The following GPR33 variants were observed in gnomAD, a reference collection of about 807,000 sequenced individuals.
GPR33 encodes G protein-coupled receptor 33.
In GPR33, 4 loss-of-function variants were observed where a neutral mutation model predicts 3.1. That is an observed-to-expected ratio of 1.29 (90% CI 0.64 to 2.96). The LOEUF is 2.96. Ranked by LOEUF, GPR33 falls within the 30% of genes most tolerant of loss-of-function variation. The pLI is 0.01. For synonymous variants in GPR33, 138 were observed against 142.0 expected (o/e 0.97, Z 0.20); for missense variants, 390 against 388.9 (o/e 1.00, Z -0.02).
At chr14:31,486,647 T>C (rs1263704592) in intron 1 of GPR33, among the ~76,000 whole-genome samples, 2 of 152,106 alleles carry the variant, frequency 1.3e-5, no homozygotes, top group Admixed American at 6.6e-5. Context: ...GAGGATGATT[T>C]TAAGACAGGC....
At chr14:31,487,098 T>G (rs958855653) in intron 1 of GPR33, among the ~76,000 whole-genome samples, 1 of 152,128 alleles carries the variant, frequency 6.6e-6, no homozygotes, top group Middle Eastern at 3.4e-3. Context: ...TGGGAAAGAT[T>G]TTTTTTTAAT....
intron 1 of GPR33, among the ~76,000 whole-genome samples, chr14:31,484,710 T>A (rs1207405285): frequency 6.6e-6 from 1 of 152,160 alleles, no homozygotes; most frequent in East Asian, 1.9e-4. Flanking sequence ...ATGAAATGAA[T>A]TTGAATAACA....
chr14:31,483,539 G>T lies in GPR33; in HGVS notation c.427C>A (p.Arg143Ser). ...CCCAGGACAATGCTGGAAGCCCAGC[G>T]CGGGGTTCGGTGCTGCTGGGACCAC... ...PVWSQQHRTP[R>S]WASSIVLGVW... The change falls in exon 2 of 2, where the codon CGC becomes AGC. Residue 143 changes from arginine to serine, a missense_variant. By Grantham distance (110) the Arg-to-Ser change is moderately radical (BLOSUM62 -1). Transcript: ENST00000399285. 6.5e-7 allele frequency: 1 copy of T among 1,536,154 alleles called. No homozygotes were observed. Among genetic ancestry groups the T allele is most frequent in the Non-Finnish European group, 8.7e-7 (1 of 1,146,914 alleles).
In GPR33 at chr14:31,483,593, C is replaced by G; in HGVS notation, c.373G>C (p.Asp125His). The G allele has an allele frequency of 6.5e-7, 1 of 1,536,124 alleles. No homozygotes were observed. Among genetic ancestry groups the G allele is most frequent in the Non-Finnish European group, 8.7e-7 (1 of 1,146,914 alleles). The change falls in exon 2 of 2, where the codon GAT becomes CAT. Residue 125 changes from aspartate to histidine, a missense_variant. By Grantham distance (81) the Asp-to-His change is moderately conservative. Coordinates refer to ENST00000399285, the MANE Select transcript of GPR33 (RefSeq NM_001197184.3). ...SVFFLSAIGL[D>H]RYLLTLHPVW... ...GGGTGAAGAGTGAGAAGGTAACGAT[C>G]AAGACCGATGGCCGAAAGGAAGAAA...
intron 1 of GPR33, among the ~76,000 whole-genome samples, chr14:31,485,595 T>C (rs1259846953): frequency 6.8e-6 from 1 of 146,716 alleles, no homozygotes; most frequent in Non-Finnish European, 1.5e-5. Flanking sequence ...ACCGAGATGG[T>C]GCCCCTGCAT....
At chr14:31,487,091 G>T (rs915819021) in intron 1 of GPR33, among the ~76,000 whole-genome samples, 1 of 152,080 alleles carries the variant, frequency 6.6e-6, no homozygotes, top group African/African-American at 2.4e-5. Context: ...CGAATTATGG[G>T]AAAGATTTTT....
rs768624175 is a variant in GPR33 at position 31,483,769 on chromosome 14, A to G, written c.197T>C (p.Leu66Ser). The part of the protein sequence containing the change: ...FKMKQTVNTL[L>S]FFHLILSYFI... ...ATAAGAGAGAATGAGATGAAAAAAT[A>G]AGAGAGTATTGACAGTCTGTTTCAT... The change falls in exon 2 of 2, where the codon TTA (leucine) becomes TCA (serine). Residue 66 changes from leucine to serine, a missense_variant. Transcript: ENST00000399285. 8.5e-5 allele frequency: 130 copies of G among 1,536,032 alleles called. No homozygotes were observed. The highest frequency in any genetic ancestry group is 1.1e-4 in the Non-Finnish European group (127 of 1,146,904).
Position 31,483,102 on chromosome 14 carries a change from A to G in GPR33, c.864T>C (p.Thr288=). The change falls in exon 2 of 2, where the codon ACT becomes ACC. Residue 288 remains threonine, a synonymous_variant. Coordinates refer to ENST00000399285, the MANE Select transcript of GPR33 (RefSeq NM_001197184.3). ...ELTLILTVLT[T]SFNTIFSPTL... The stretch of plus-strand genomic sequence containing the variant: ...TGGGAGAAAAGATAGTATTGAAAGA[A>G]GTGGTTAGCACTGTAAGTATCAAAG... 6.5e-7 allele frequency: 1 copy of G among 1,536,160 alleles called. No individual in the cohort carries two copies. The highest frequency in any genetic ancestry group is 8.7e-7 in the Non-Finnish European group (1 of 1,146,914).
At chr14:31,487,732 C>T (rs943087818) in intron 1 of GPR33, among the ~76,000 whole-genome samples, 165 bp downstream of exon 1, 13 of 152,174 alleles carry the variant, frequency 8.5e-5, no homozygotes, top group African/African-American at 3.1e-4. Context: ...GCCACCGTGC[C>T]CAGCCACAGG....
chr14:31,484,043 G>C, intron 1 of GPR33, 72 bp from the exon 2 acceptor site: 2 of 1,279,938 alleles, frequency 1.6e-6, no homozygotes, highest in South Asian at 1.6e-5. Flanking sequence ...AAAATTTAAA[G>C]AGTAATTTTT....
In GPR33 at chr14:31,487,966, A is replaced by G. The variant is rs2032438209; in HGVS notation, c.-76T>C. 6.6e-6 allele frequency: 1 copy of G among 152,180 alleles called. No homozygotes were observed. Among genetic ancestry groups the G allele is most frequent in the Non-Finnish European group, 1.5e-5 (1 of 68,038 alleles). 9.4% of individuals were successfully genotyped at this position (152,180 alleles called of 1,614,324 possible). On this transcript the variant is annotated 5_prime_UTR_variant, in exon 1 of 2. Coordinates refer to ENST00000399285, the MANE Select transcript of GPR33 (RefSeq NM_001197184.3). ...AGTGACTCTACACCATCAATTTCTC[A>G]CTAGGAACAGAGTGAACAAAATCAG...
In GPR33 at chr14:31,483,372, C is replaced by T; in HGVS notation, c.594G>A (p.Arg198=). The change falls in exon 2 of 2, where the codon AGG becomes AGA. Residue 198 remains arginine, a synonymous_variant. Coordinates refer to ENST00000399285, the MANE Select transcript of GPR33 (RefSeq NM_001197184.3). ...TGAAACAGGCCACATGAATCCACTG[C>T]CTTGATGCTTGCATCTCCTTGCTTT... ...NWESKEMQAS[R]QWIHVACFIS... 1 of 1,536,148 alleles carries T rather than the reference C, an allele frequency of 6.5e-7. No homozygotes were observed. The highest frequency in any genetic ancestry group is 8.7e-7 in the Non-Finnish European group (1 of 1,146,912).
At position 31,483,564 on chromosome 14, in the gene GPR33, C is replaced by T. The variant is rs1209826659; in HGVS notation, c.402G>A (p.Val134=). 4 of 1,536,136 alleles carry T rather than the reference C, an allele frequency of 2.6e-6. No homozygotes were observed. The East Asian group carries it at 7.3e-5, about 28-fold the overall frequency. ...LDRYLLTLHP[V]WSQQHRTPRW... Reference sequence around the variant, plus strand: ...GCGGGGTTCGGTGCTGCTGGGACCACACTGGGTGAAGAGTGAGAAGGTAAC... The same window carrying T: ...GCGGGGTTCGGTGCTGCTGGGACCATACTGGGTGAAGAGTGAGAAGGTAAC... Residue 134 remains valine (V), a synonymous_variant, in exon 2 of 2, where the codon GTG becomes GTA. Transcript: ENST00000399285.
At chr14:31,485,980 A>C (rs2032416161) in intron 1 of GPR33, among the ~76,000 whole-genome samples, 1 of 152,260 alleles carries the variant, frequency 6.6e-6, no homozygotes, top group African/African-American at 2.4e-5. Flanking sequence ...TCATATCAGC[A>C]AATTGGTTTT....
rs1431980719 is a variant in GPR33 at position 31,483,490 on chromosome 14, A to C, written c.476T>G (p.Leu159Arg). 3 of 1,536,046 alleles carry C rather than the reference A, an allele frequency of 2.0e-6. No individual in the cohort carries two copies. In the Admixed American group the frequency reaches 5.9e-5, roughly 30 times the overall value. ...TCTGAAAATCAAATAGGGGATGCTG[A>C]GGGCAGCGGCTGAAATCCAGACTCC... ...VLGVWISAAALSIPYLIFRET... is the reference protein window; with the variant it reads ...VLGVWISAAARSIPYLIFRET... The change falls in exon 2 of 2, where the codon CTC (leucine) becomes CGC (arginine). Residue 159 changes from leucine (L) to arginine (R), a missense_variant. Physicochemically the swap from Leu to Arg is moderately radical, Grantham distance 102. Coordinates refer to ENST00000399285, the MANE Select transcript of GPR33 (RefSeq NM_001197184.3).
chr14:31,483,565 A>G lies in GPR33; in HGVS notation c.401T>C (p.Val134Ala). The change falls in exon 2 of 2, where the codon GTG (valine) becomes GCG (alanine). Residue 134 changes from valine to alanine, a missense_variant. Val to Ala is a moderately conservative substitution (Grantham distance 64). Transcript: ENST00000399285. ...LDRYLLTLHP[V>A]WSQQHRTPRW... ...CGGGGTTCGGTGCTGCTGGGACCAC[A>G]CTGGGTGAAGAGTGAGAAGGTAACG... 2 of 1,536,184 alleles carry G rather than the reference A, an allele frequency of 1.3e-6. No homozygotes were observed. Among genetic ancestry groups the G allele is most frequent in the Non-Finnish European group, 1.7e-6 (2 of 1,146,912 alleles).
At chr14:31,485,721 G>A (rs576714121) in intron 1 of GPR33, among the ~76,000 whole-genome samples, 21 of 152,142 alleles carry the variant, frequency 1.4e-4, no homozygotes, top group Admixed American at 1.4e-3. Flanking sequence ...AGGCTTCGTA[G>A]GGTTACATGT....
intron 1 of GPR33, among the ~76,000 whole-genome samples, chr14:31,486,773 T>C (rs1218421063): frequency 1.3e-5 from 2 of 152,196 alleles, no homozygotes; most frequent in East Asian, 3.8e-4. Context: ...TGTCTAATAA[T>C]TATAATCTAT....
rs75158054 is a variant in GPR33 at position 31,483,620 on chromosome 14, C to G, written c.346G>C (p.Val116Leu). ...GTLSLGMFTS[V>L]FFLSAIGLDR... The stretch of plus-strand genomic sequence containing the variant: ...AGACCGATGGCCGAAAGGAAGAAAA[C>G]AGAGGTGAACATCCCCAGAGACAAA... Residue 116 changes from valine to leucine, a missense_variant, in exon 2 of 2, where the codon GTT becomes CTT. By Grantham distance (32) the Val-to-Leu change is conservative (BLOSUM62 1). Coordinates refer to ENST00000399285, the MANE Select transcript of GPR33 (RefSeq NM_001197184.3). 4 of 1,536,042 alleles carry G rather than the reference C, an allele frequency of 2.6e-6. No individual in the cohort carries two copies. In the African/African-American group the frequency reaches 5.5e-5, roughly 21 times the overall value.
Sources: allele counts gnomAD v4.1 joint callset (sites outside exome capture counted in the v4.1 genomes callset), GRCh38; gene constraint gnomAD v4.1.1; transcripts MANE v1.5; gene names NCBI Gene and HGNC (gene_info 2026-07-23, HGNC 2026-07-21).